The following SLC12A7 variants were observed in gnomAD, a reference collection of about 807,000 sequenced individuals.
SLC12A7 encodes solute carrier family 12 member 7, also known as K-Cl cotransporter 4.
Under a neutral mutation model 120.6 loss-of-function variants are expected in SLC12A7, and 100 were observed. The observed-to-expected ratio is 0.83, with a 90% CI of 0.71 to 0.98. The LOEUF (loss-of-function observed/expected upper bound fraction) is 0.98. Ranked by LOEUF, SLC12A7 falls within the 50% of genes least tolerant of loss-of-function variation. The pLI, the probability that SLC12A7 is intolerant of heterozygous loss-of-function variation, is 0.00. For missense variants in SLC12A7, 1,373 were observed against 1,548.1 expected, an observed-to-expected ratio of 0.89 and a Z score of 1.90; for synonymous variants, 760 against 678.0, an observed-to-expected ratio of 1.12 and a Z score of -1.88.
At chr5:1,131,876 G>A in the SLC12A7 span, among the ~76,000 whole-genome samples, 4 of 152,202 alleles carry the variant, frequency 2.6e-5, no homozygotes, top group Non-Finnish European at 5.9e-5. Context: ...GGGGCCCAGC[G>A]CCCTGGCTGT....
At chr5:1,076,046 C>G (rs1738291933) in intron 14 of SLC12A7, 92 bp downstream of exon 14, 7 of 1,084,406 alleles carry the variant, frequency 6.5e-6, no homozygotes. Flanking sequence ...CTGTGGGGCT[C>G]CTGACGCCTG....
At chr5:1,128,727 A>G in the SLC12A7 span, among the ~76,000 whole-genome samples, 7 of 152,300 alleles carry the variant, frequency 4.6e-5, no homozygotes, top group South Asian at 8.3e-4. Flanking sequence ...ACGTGTGTGC[A>G]TGTATGTGTG....
chr5:1,122,185 GC>G, the SLC12A7 span, among the ~76,000 whole-genome samples: 1 of 152,200 alleles, frequency 6.6e-6, no homozygotes, highest in Non-Finnish European at 1.5e-5. Context: ...AACTTTCCCT[GC>G]CCCCACCGCC....
chr5:1,061,534 C>T (rs533484264), intron 20 of SLC12A7, among the ~76,000 whole-genome samples: 8 of 143,260 alleles, frequency 5.6e-5, no homozygotes, highest in Admixed American at 4.8e-4. Flanking sequence ...CTGCCGCATC[C>T]GCCATGCGGG....
rs1561034377 is a variant in SLC12A7 at position 1,060,985 on chromosome 5, C to CGGA, written c.2740-535_2740-534insTCC. Among the ~76,000 whole-genome samples, 785 of 150,930 alleles carry CGGA rather than the reference C, an allele frequency of 5.2e-3. 16 individuals are homozygous for CGGA. The highest frequency in any genetic ancestry group is 0.018 in the African/African-American group (723 of 40,464). On this transcript the variant is annotated intron_variant, in intron 20 of 23. Transcript: ENST00000264930. ...CAGTGTGGGACTGCTGCGTCTCACC[C>CGGA]ACTGCACCTGCCGTGCAGGATCCCT... is the stretch of plus-strand genomic sequence containing the variant.
rs930827055 is a variant in SLC12A7, at chr5:1,090,739, C to T, written c.343-1611G>A. On this transcript the variant is annotated intron_variant, in intron 3 of 23. Coordinates refer to ENST00000264930, the MANE Select transcript of SLC12A7 (RefSeq NM_006598.3). ...TCAAATCCCGCAGCCCCGTGACAGG[C>T]GAGTCAGAAGCTGGTTCTCGGCCAA... 3.8e-4 allele frequency among the ~76,000 whole-genome samples: 58 copies of T among 152,334 alleles called. 1 individual carries two copies. Among genetic ancestry groups the T allele is most frequent in the African/African-American group, 1.3e-3 (56 of 41,576 alleles).
intron 9 of SLC12A7, among the ~76,000 whole-genome samples, chr5:1,080,857 G>A (rs1738982115): frequency 6.6e-6 from 1 of 152,200 alleles, no homozygotes; most frequent in Non-Finnish European, 1.5e-5. Flanking sequence ...AGCTTCTCCT[G>A]ACACAGGGCT....
At chr5:1,097,613 G>A (rs1054990876) in intron 1 of SLC12A7, among the ~76,000 whole-genome samples, 2 of 152,202 alleles carry the variant, frequency 1.3e-5, no homozygotes, top group African/African-American at 2.4e-5. Flanking sequence ...TGGGGCCAGC[G>A]AGGCACGACT....
chr5:1,093,494 G>GGGGCAGGGACT (rs1554020787), intron 3 of SLC12A7, 39 bp downstream of exon 3: 98 of 1,511,206 alleles, frequency 6.5e-5, no homozygotes, highest in Non-Finnish European at 7.8e-5. Context: ...CGGGACACAC[G>GGGGCAGGGACT]GGGCGGGGAC....
At position 1,050,750 on chromosome 5, in the gene SLC12A7, G is replaced by A. The variant is rs1734954345; in HGVS notation, c.*1610C>T. The A allele has an allele frequency of 2.5e-6, 1 of 397,612 alleles. No homozygotes were observed. The allele number at this position is 397,612 out of a possible 1,614,324, so 24.6% of individuals were successfully genotyped here. A position where few individuals can be genotyped will look rare whatever the true frequency, so the allele number is the denominator to read the frequency against. ...AGGAGCGTTTTGCTGCTTAACTCAT[G>A]CTTAGCCAAGGCAGGCAGAGGCTGT... On this transcript the variant is annotated 3_prime_UTR_variant, in exon 24 of 24. Coordinates refer to ENST00000264930, the MANE Select transcript of SLC12A7 (RefSeq NM_006598.3).
chr5:1,053,252 A>G, intron 23 of SLC12A7, 97 bp downstream of exon 23: 1 of 1,425,982 alleles, frequency 7.0e-7, no homozygotes, highest in Non-Finnish European at 9.4e-7. Context: ...AGAGGCGGGA[A>G]GCCAGCCTCA....
At chr5:1,152,637 C>G in the SLC12A7 span, among the ~76,000 whole-genome samples, 1 of 152,310 alleles carries the variant, frequency 6.6e-6, no homozygotes, top group Non-Finnish European at 1.5e-5. Flanking sequence ...AACGGAGACC[C>G]CCAAGCTAGA....
chr5:1,064,055 G>GCTGGCGTGTCCCCGTCGCACGCCCCAC, intron 19 of SLC12A7, 28 bp downstream of exon 19: 1 of 1,600,566 alleles, frequency 6.2e-7, no homozygotes, highest in African/African-American at 1.3e-5. Flanking sequence ...CCGTGCTCCG[G>GCTGGCGTGTCCCCGTCGCACGCCCCAC]CTGGCGTGTC....
rs1735755159 is a variant in SLC12A7 at position 1,057,598 on chromosome 5, T to A, written c.2899A>T (p.Arg967Trp). The A allele has an allele frequency of 1.9e-6, 3 of 1,609,372 alleles. No homozygotes were observed. The highest frequency in any genetic ancestry group is 1.3e-5 in the African/African-American group (1 of 74,948). The change falls in exon 22 of 24, where the codon AGG becomes TGG. Residue 967 changes from arginine (R) to tryptophan (W), a missense_variant. Physicochemically the swap from Arg to Trp is moderately radical, Grantham distance 101. Coordinates refer to ENST00000264930, the MANE Select transcript of SLC12A7 (RefSeq NM_006598.3). ...NTASHTAAAA[R>W]TQAPPTPDKV... The stretch of plus-strand genomic sequence containing the variant: ...TCTGGCGTAGGCGGCGCTTGGGTCC[T>A]GGCTGCCGCCGCGGTGTGGGACGCG...
At chr5:1,123,077 C>T in the SLC12A7 span, among the ~76,000 whole-genome samples, 1 of 152,210 alleles carries the variant, frequency 6.6e-6, no homozygotes, top group Non-Finnish European at 1.5e-5. Context: ...CCTAATCGTT[C>T]TGGCTGAGCC....
chr5:1,132,420 A>G, the SLC12A7 span, among the ~76,000 whole-genome samples: 1 of 151,878 alleles, frequency 6.6e-6, no homozygotes, highest in Non-Finnish European at 1.5e-5. Context: ...TCACTTTCTT[A>G]ATAAACTTAC....
At chr5:1,099,615 G>A (rs4975651) in intron 1 of SLC12A7, among the ~76,000 whole-genome samples, 99,994 of 147,484 alleles carry the variant, frequency 0.68, 34,020 homozygotes, top group African/African-American at 0.74. Flanking sequence ...TCCCGAAGAC[G>A]AACCCGTTTC....
At chr5:1,137,203 C>T in the SLC12A7 span, among the ~76,000 whole-genome samples, 5 of 152,142 alleles carry the variant, frequency 3.3e-5, no homozygotes, top group South Asian at 6.2e-4. Context: ...GATTCATGCC[C>T]CCATCACAGG....
At position 1,060,689 on chromosome 5, in the gene SLC12A7, C is replaced by T. The variant is rs4246748; in HGVS notation, c.2740-238G>A. Among the ~76,000 whole-genome samples, 143,147 of 152,158 alleles carry T rather than the reference C, an allele frequency of 0.94. 67,964 individuals are homozygous for T. The highest frequency in any genetic ancestry group is 1 in the East Asian group (5,158 of 5,158). ...GCTCATGTCCCTCCCCGGGACCCTCCGACCGGGCACAAGGGCAGCTGTGAG... is the reference window on the plus strand; with the variant it reads ...GCTCATGTCCCTCCCCGGGACCCTCTGACCGGGCACAAGGGCAGCTGTGAG... On this transcript the variant is annotated intron_variant, in intron 20 of 23. Coordinates refer to ENST00000264930, the MANE Select transcript of SLC12A7 (RefSeq NM_006598.3).
Sources: gnomAD v4.1 joint callset for allele counts (sites outside exome capture counted in the v4.1 genomes callset) on GRCh38, gnomAD v4.1.1 for gene constraint, MANE v1.5 for transcripts, NCBI Gene and HGNC (gene_info 2026-07-23, HGNC 2026-07-21) for gene names.